The following RPS6KA1 variants were observed in gnomAD, a reference collection of about 807,000 sequenced individuals.
The protein encoded by RPS6KA1 is ribosomal protein S6 kinase A1, also known as ribosomal protein S6 kinase alpha-1.
Under a neutral mutation model 91.3 loss-of-function variants are expected in RPS6KA1, and 48 were observed. That is an observed-to-expected ratio of 0.53 (90% CI 0.42 to 0.67). The LOEUF is 0.67. Ranked by LOEUF, RPS6KA1 falls within the 30% of genes least tolerant of loss-of-function variation. The probability of loss-of-function intolerance (pLI) is 0.00; values close to 1 mark genes in which losing one functional copy is unlikely to be tolerated. For missense variants in RPS6KA1, 719 were observed against 960.5 expected (o/e 0.75, Z 3.32); for synonymous variants, 359 against 384.7 (o/e 0.93, Z 0.78).
Position 26,554,813 on chromosome 1 carries a change from G to T in RPS6KA1, c.756+75G>T, listed in dbSNP as rs933710877. Reference sequence around the variant, plus strand: ...GTCTCCCTATCTGTACAGTGAGGGGGTTGATCATTTCTAGGGCTCTCCCCG... The same window carrying T: ...GTCTCCCTATCTGTACAGTGAGGGGTTTGATCATTTCTAGGGCTCTCCCCG... On this transcript the variant is annotated intron_variant, in intron 9 of 21. Coordinates refer to ENST00000374168, the MANE Select transcript of RPS6KA1 (RefSeq NM_002953.4). This position sits in a 1 kb window ranked among gnomAD's most constrained non-coding sequence, Gnocchi z 4.6. 21 of 1,514,708 alleles carry T rather than the reference G, an allele frequency of 1.4e-5. No homozygotes were observed. Among genetic ancestry groups the T allele is most frequent in the East Asian group, 2.3e-5 (1 of 43,820 alleles). The allele number at this position is 1,514,708 out of a possible 1,614,324, so 93.8% of individuals were successfully genotyped here. A position where few individuals can be genotyped will look rare whatever the true frequency, so the allele number is the denominator to read the frequency against.
rs1052886227 is a variant in RPS6KA1 at position 26,530,009 on chromosome 1, C to T, written c.63+26C>T. On this transcript the variant is annotated intron_variant, in intron 1 of 21. Transcript: ENST00000374168. Reference sequence around the variant, plus strand: ...GTGAGTGAGCGGGGCGGGGGACGGGCGCCCGCGGCCGGCGAGCCCGGATCC... The same window carrying T: ...GTGAGTGAGCGGGGCGGGGGACGGGTGCCCGCGGCCGGCGAGCCCGGATCC... 19 of 1,315,294 alleles carry T rather than the reference C, an allele frequency of 1.4e-5. No individual in the cohort carries two copies. In the African/African-American group the frequency reaches 2.6e-4, roughly 18 times the overall value. The allele number at this position is 1,315,294 out of a possible 1,614,324, so 81.5% of individuals were successfully genotyped here.
At chr1:26,550,386 G>A (rs183386611) in intron 4 of RPS6KA1, among the ~76,000 whole-genome samples, 117 of 151,500 alleles carry the variant, frequency 7.7e-4, no homozygotes, top group African/African-American at 2.8e-3. Context: ...GTTTCACCAT[G>A]TTGGCCAGGA....
intron 17 of RPS6KA1, among the ~76,000 whole-genome samples, chr1:26,568,668 T>C (rs565092445): frequency 1.2e-4 from 19 of 152,290 alleles, no homozygotes; most frequent in Middle Eastern, 3.4e-3. Flanking sequence ...GAGAATTGCT[T>C]GAGCCTGGGA....
In RPS6KA1 at chr1:26,558,225, G is replaced by A. The variant is rs375269391; in HGVS notation, c.1085-582G>A. Among the ~76,000 whole-genome samples, 24 of 152,276 alleles carry A rather than the reference G, an allele frequency of 1.6e-4. No homozygotes were observed. Among genetic ancestry groups the A allele is most frequent in the African/African-American group, 5.1e-4 (21 of 41,562 alleles). ...GGCAAGGCTTCTCAGAGGAGGGAGC[G>A]TGCGAGTTGAGTCTTGAAGGATAGG... On this transcript the variant is annotated intron_variant, in intron 13 of 21. Transcript: ENST00000374168. This position sits in a 1 kb window ranked among gnomAD's most constrained non-coding sequence, Gnocchi z 4.0.
rs200245642 is a variant in RPS6KA1 at position 26,554,518 on chromosome 1, C to T, written c.614-78C>T. ...GGTGATGCCTTCTGGCCTCTGGGCA[C>T]GGGGGTTGGGTGTGCAAAGGGTGGC... On this transcript the variant is annotated intron_variant, in intron 8 of 21. Transcript: ENST00000374168. This position sits in a 1 kb window ranked among gnomAD's most constrained non-coding sequence, Gnocchi z 4.6. 3.3e-3 allele frequency: 5,023 copies of T among 1,533,170 alleles called. 16 individuals are homozygous for T. The highest frequency in any genetic ancestry group is 4.0e-3 in the Non-Finnish European group (4,573 of 1,132,688). 95.0% of individuals were successfully genotyped at this position (1,533,170 alleles called of 1,614,324 possible).
In RPS6KA1 at chr1:26,554,305, A is replaced by G. The variant is rs1157659538; in HGVS notation, c.613+54A>G. On this transcript the variant is annotated intron_variant, in intron 8 of 21. Transcript: ENST00000374168. The surrounding 1 kb of genome is among the most constrained non-coding windows in gnomAD (Gnocchi z 4.6). ...ACCCAGGGGAGGACAGGACAAGGTC[A>G]TGATAGGTCTCGGCTGAGTGCTGGG... The G allele has an allele frequency of 7.9e-6, 12 of 1,522,146 alleles. No individual in the cohort carries two copies. Among genetic ancestry groups the G allele is most frequent in the Admixed American group, 4.0e-5 (2 of 50,338 alleles). 94.3% of individuals were successfully genotyped at this position (1,522,146 alleles called of 1,614,324 possible). A position where few individuals can be genotyped will look rare whatever the true frequency, so the allele number is the denominator to read the frequency against.
chr1:26,568,751 A>C (rs1204004502), intron 17 of RPS6KA1, among the ~76,000 whole-genome samples: 1 of 152,218 alleles, frequency 6.6e-6, no homozygotes, highest in African/African-American at 2.4e-5. Context: ...ACTCCATCTC[A>C]GAAAAATAAA....
At chr1:26,563,667 A>G (rs1557511659) in intron 17 of RPS6KA1, among the ~76,000 whole-genome samples, 1 of 152,226 alleles carries the variant, frequency 6.6e-6, no homozygotes, top group Non-Finnish European at 1.5e-5. Flanking sequence ...GACATATTGT[A>G]TATGAGTTCT....
In RPS6KA1 at chr1:26,574,267, A is replaced by G. The variant is rs537042241; in HGVS notation, c.*66A>G. On this transcript the variant is annotated 3_prime_UTR_variant, in exon 22 of 22. Coordinates refer to ENST00000374168, the MANE Select transcript of RPS6KA1 (RefSeq NM_002953.4). The surrounding 1 kb of genome is among the most constrained non-coding windows in gnomAD (Gnocchi z 4.3). ...CACAGTCAGCATGCTTCCCAGAGGGAGCAGGCCGGAACCACAGGGCCAGAG... is the reference window on the plus strand; with the variant it reads ...CACAGTCAGCATGCTTCCCAGAGGGGGCAGGCCGGAACCACAGGGCCAGAG... The G allele has an allele frequency of 6.6e-5, 106 of 1,601,668 alleles. No homozygotes were observed. Among genetic ancestry groups the G allele is most frequent in the Middle Eastern group, 1.7e-4 (1 of 6,048 alleles).
In RPS6KA1 at chr1:26,530,858, C is replaced by CT. The variant is rs752110209; in HGVS notation, c.63+876dup. 2.3e-6 allele frequency: 3 copies of CT among 1,285,416 alleles called. No homozygotes were observed. In the South Asian group the frequency reaches 3.7e-5, roughly 16 times the overall value. 79.6% of individuals were successfully genotyped at this position (1,285,416 alleles called of 1,614,324 possible). A position where few individuals can be genotyped will look rare whatever the true frequency, so the allele number is the denominator to read the frequency against. ...GGTCAAGGTCAAGCCCCTGAATGAG[C>CT]TGGTGGAAAACTTCCTCCTTAACCT... On this transcript the variant is annotated intron_variant, in intron 1 of 21. Coordinates refer to ENST00000374168, the MANE Select transcript of RPS6KA1 (RefSeq NM_002953.4).
rs1023120631 is a variant in RPS6KA1, at chr1:26,554,108, G to A, written c.576-106G>A. 1.1e-5 allele frequency: 13 copies of A among 1,192,128 alleles called. No homozygotes were observed. The Admixed American group carries it at 3.0e-4, about 27-fold the overall frequency. The allele number at this position is 1,192,128 out of a possible 1,614,324, so 73.8% of individuals were successfully genotyped here. A position where few individuals can be genotyped will look rare whatever the true frequency, so the allele number is the denominator to read the frequency against. On this transcript the variant is annotated intron_variant, in intron 7 of 21. Coordinates refer to ENST00000374168, the MANE Select transcript of RPS6KA1 (RefSeq NM_002953.4). The surrounding 1 kb of genome is among the most constrained non-coding windows in gnomAD (Gnocchi z 4.6). ...CCGCCCAGTCATCAGAGAGAATTGG[G>A]TGGAGCACCTCCTCTGGGCTGAACC... is the stretch of plus-strand genomic sequence containing the variant.
intron 4 of RPS6KA1, among the ~76,000 whole-genome samples, chr1:26,549,484 G>A (rs774338963): frequency 5.3e-5 from 8 of 151,688 alleles, no homozygotes; most frequent in African/African-American, 1.7e-4. Flanking sequence ...CACTAGAATC[G>A]CTTGAACCTG....
chr1:26,557,538 C>A (rs2076113382), intron 13 of RPS6KA1, among the ~76,000 whole-genome samples: 1 of 152,156 alleles, frequency 6.6e-6, no homozygotes, highest in Middle Eastern at 3.2e-3. Context: ...CTTTGGCTGC[C>A]CTGACTGCCC....
Position 26,571,309 on chromosome 1 carries a change from C to A in RPS6KA1, c.1591-140C>A. 1.4e-6 allele frequency: 1 copy of A among 727,614 alleles called. No individual in the cohort carries two copies. Among genetic ancestry groups the A allele is most frequent in the Non-Finnish European group, 2.3e-6 (1 of 431,634 alleles). The allele number at this position is 727,614 out of a possible 1,614,324, so 45.1% of individuals were successfully genotyped here. A position where few individuals can be genotyped will look rare whatever the true frequency, so the allele number is the denominator to read the frequency against. On this transcript the variant is annotated intron_variant, in intron 17 of 21. Transcript: ENST00000374168. The surrounding 1 kb of genome is among the most constrained non-coding windows in gnomAD (Gnocchi z 5.1). ...CAGCAATAAGACCATCATTTCAGCCCCTTCCCCTTCTCTCGGATGCCAAGT... is the reference window on the plus strand; with the variant it reads ...CAGCAATAAGACCATCATTTCAGCCACTTCCCCTTCTCTCGGATGCCAAGT...
rs1407443100 is a variant in RPS6KA1, at chr1:26,540,269, G to C, written c.108+3300G>C. ...TTGTTCTAACCTTCATTTTACAGAG[G>C]AGGAAACCGAGGTTCAGACAGGGAA... On this transcript the variant is annotated intron_variant, in intron 2 of 21. Transcript: ENST00000374168. This position sits in a 1 kb window ranked among gnomAD's most constrained non-coding sequence, Gnocchi z 4.2. 6.6e-6 allele frequency among the ~76,000 whole-genome samples: 1 copy of C among 152,194 alleles called. No individual in the cohort carries two copies. Among genetic ancestry groups the C allele is most frequent in the Admixed American group, 6.5e-5 (1 of 15,280 alleles).
chr1:26,567,806 C>T (rs2076217034), intron 17 of RPS6KA1, among the ~76,000 whole-genome samples: 1 of 152,184 alleles, frequency 6.6e-6, no homozygotes, highest in East Asian at 1.9e-4. Flanking sequence ...GCTAAATATT[C>T]CTGTCCTTCT....
intron 17 of RPS6KA1, among the ~76,000 whole-genome samples, chr1:26,569,332 T>G (rs1295630974): frequency 6.6e-6 from 1 of 152,206 alleles, no homozygotes; most frequent in Non-Finnish European, 1.5e-5. Context: ...TGCAGGGTAG[T>G]TGGTGTCCTC....
intron 2 of RPS6KA1, among the ~76,000 whole-genome samples, chr1:26,544,501 G>A (rs1246913909): frequency 1.3e-5 from 2 of 148,196 alleles, no homozygotes; most frequent in Non-Finnish European, 1.5e-5. Flanking sequence ...TTGAAACGGA[G>A]TCTCACTTTG....
Position 26,547,020 on chromosome 1 carries a change from G to A in RPS6KA1, c.225+37G>A, listed in dbSNP as rs557470964. 5.7e-6 allele frequency: 9 copies of A among 1,583,198 alleles called. No homozygotes were observed. Among genetic ancestry groups the A allele is most frequent in the Admixed American group, 5.0e-5 (3 of 59,994 alleles). On this transcript the variant is annotated intron_variant, in intron 3 of 21. Transcript: ENST00000374168. This position sits in a 1 kb window ranked among gnomAD's most constrained non-coding sequence, Gnocchi z 4.1. Reference sequence around the variant, plus strand: ...GCCCATAGCTGTGAAGGCAACACTCGTCATGTTAGAGGTGGGGGTCAAGGG... The same window carrying A: ...GCCCATAGCTGTGAAGGCAACACTCATCATGTTAGAGGTGGGGGTCAAGGG...
Sources: allele counts gnomAD v4.1 joint callset (sites outside exome capture counted in the v4.1 genomes callset), GRCh38; gene constraint gnomAD v4.1.1; non-coding constraint Gnocchi (gnomAD v3.1); transcripts MANE v1.5; gene names NCBI Gene and HGNC (gene_info 2026-07-23, HGNC 2026-07-21).